The following CHRNB4 variants were observed in gnomAD, a reference collection of about 807,000 sequenced individuals.
CHRNB4 encodes the protein cholinergic receptor nicotinic beta 4 subunit, also known as neuronal acetylcholine receptor subunit beta-4.
CHRNB4 carries 23 observed loss-of-function variants against 40.4 expected under a neutral mutation model. The observed-to-expected ratio is 0.57, with a 90% CI of 0.41 to 0.81. The LOEUF (loss-of-function observed/expected upper bound fraction) is 0.81. Ranked by LOEUF, CHRNB4 falls within the 30% of genes least tolerant of loss-of-function variation. The pLI is 0.00. For synonymous variants in CHRNB4, 285 were observed against 274.4 expected, an observed-to-expected ratio of 1.04 and a Z score of -0.38; for missense variants, 568 against 670.6, an observed-to-expected ratio of 0.85 and a Z score of 1.69.
Position 78,629,131 on chromosome 15 carries a change from G to C in CHRNB4, c.1174C>G (p.Pro392Ala). ...FYGNSMYFVN[P>A]ASAASKSPAG... ...GGAGACTTGGAAGCTGCAGAGGCGG[G>C]GTTCACAAAGTACATGGAGTTCCCA... The change falls in exon 5 of 6, where the codon CCC (proline) becomes GCC (alanine). Residue 392 changes from proline to alanine, a missense_variant. Pro to Ala is a conservative substitution (Grantham distance 27). Coordinates refer to ENST00000261751, the MANE Select transcript of CHRNB4 (RefSeq NM_000750.5). The surrounding 1 kb of genome is among the most constrained non-coding windows in gnomAD (Gnocchi z 6.8). The C allele has an allele frequency of 6.2e-7, 1 of 1,614,172 alleles. No homozygotes were observed. Among genetic ancestry groups the C allele is most frequent in the Non-Finnish European group, 8.5e-7 (1 of 1,180,008 alleles).
At chr15:78,660,382 C>T (rs1424990265) in intron 1 of CHRNB4, 4 of 152,292 alleles carry the variant, frequency 2.6e-5, no homozygotes, top group Non-Finnish European at 5.9e-5. Flanking sequence ...TAAATTGTTT[C>T]CTGGGAGAAG....
At chr15:78,649,025 G>A (rs553562408) in intron 7 of CHRNB4, among the ~76,000 whole-genome samples, 17 of 152,220 alleles carry the variant, frequency 1.1e-4, no homozygotes, top group African/African-American at 4.1e-4. Flanking sequence ...CAGTCCTCCT[G>A]CCTTGGCTTC....
intron 5 of CHRNB4, among the ~76,000 whole-genome samples, chr15:78,628,653 T>C (rs1194494817): frequency 2.0e-5 from 3 of 152,128 alleles, no homozygotes; most frequent in African/African-American, 7.2e-5. Context: ...CTCCTTTCCC[T>C]GTCTCACTTT....
intron 1 of CHRNB4, among the ~76,000 whole-genome samples, chr15:78,660,331 T>C (rs1041854624): frequency 2.0e-5 from 3 of 152,208 alleles, no homozygotes; most frequent in Non-Finnish European, 4.4e-5. Context: ...TGCAGTACAC[T>C]GCAGCTTCAA....
chr15:78,637,986 C>A (rs148100159), intron 1 of CHRNB4, among the ~76,000 whole-genome samples: 1,608 of 152,310 alleles, frequency 0.011, 26 homozygotes, highest in African/African-American at 0.036. Flanking sequence ...CCTCCCACAG[C>A]CCTTCTTTAG....
intron 5 of CHRNB4, among the ~76,000 whole-genome samples, chr15:78,654,200 T>C (rs1330611431): frequency 6.6e-6 from 1 of 152,174 alleles, no homozygotes; most frequent in African/African-American, 2.4e-5. Context: ...TACCAGGGTT[T>C]TGGCACGTTG....
At chr15:78,628,918 C>A in intron 5 of CHRNB4, 49 bp downstream of exon 5, 1 of 1,566,376 alleles carries the variant, frequency 6.4e-7, no homozygotes, top group South Asian at 1.2e-5. Flanking sequence ...GTGCTACTAT[C>A]TGAGCCCTTT....
At chr15:78,626,929 G>C (rs1002921685) in intron 5 of CHRNB4, 1 of 152,336 alleles carries the variant, frequency 6.6e-6, no homozygotes, top group Non-Finnish European at 1.5e-5. Context: ...GAGGTCTTCA[G>C]AAGAGTTCAG....
intron 1 of CHRNB4, among the ~76,000 whole-genome samples, chr15:78,640,375 C>T (rs1391842592): frequency 2.6e-5 from 4 of 152,236 alleles, no homozygotes; most frequent in Non-Finnish European, 5.9e-5. Flanking sequence ...TCCTGAGTGG[C>T]AGGCCCAACT....
intron 2 of CHRNB4, chr15:78,634,740 C>G (rs768547481): frequency 2.2e-6 from 1 of 456,024 alleles, no homozygotes; most frequent in South Asian, 1.5e-5. Flanking sequence ...AGTTCTAACC[C>G]TGTGGATGGG....
At chr15:78,649,147 C>T (rs946061773) in intron 7 of CHRNB4, among the ~76,000 whole-genome samples, 6 of 151,992 alleles carry the variant, frequency 3.9e-5, no homozygotes, top group African/African-American at 1.5e-4. Flanking sequence ...GAGCACTCGC[C>T]AACTGCTGCT....
chr15:78,632,254 T>TG (rs1567120192), intron 2 of CHRNB4, among the ~76,000 whole-genome samples: 1 of 62,648 alleles, frequency 1.6e-5, no homozygotes, highest in Non-Finnish European at 3.8e-5. Context: ...TCTCTCTCTC[T>TG]CTTTCTTTCT....
rs537589122 is a variant in CHRNB4 at position 78,648,409 on chromosome 15, G to A, written c.46+970C>T. Among the ~76,000 whole-genome samples the A allele has an allele frequency of 3.8e-4, 50 of 131,934 alleles. No individual in the cohort carries two copies. In the South Asian group the frequency reaches 0.011, roughly 30 times the overall value. 86.6% of individuals were successfully genotyped at this position (131,934 alleles called of 152,430 possible). A position where few individuals can be genotyped will look rare whatever the true frequency, so the allele number is the denominator to read the frequency against. On this transcript the variant is annotated intron_variant and NMD_transcript_variant, in intron 7 of 11. Transcript: ENST00000559849. ...CTTGCCTCAAAAAAAAAAAAAAAAA[G>A]GAAAAAGAAAAGGCATGGGGGTGAA...
At chr15:78,628,880 T>A in intron 5 of CHRNB4, 87 bp downstream of exon 5, 1 of 1,489,128 alleles carries the variant, frequency 6.7e-7, no homozygotes, top group South Asian at 1.4e-5. Context: ...TTGTCTCCTA[T>A]GAATTAACTG....
At chr15:78,635,377 G>A in intron 2 of CHRNB4, 62 bp downstream of exon 2, 1 of 1,584,260 alleles carries the variant, frequency 6.3e-7, no homozygotes, top group South Asian at 1.1e-5. Context: ...ATGATCGCCT[G>A]GGGCTTGGGC....
At chr15:78,649,450 T>C in intron 6 of CHRNB4, 1 of 454,124 alleles carries the variant, frequency 2.2e-6, no homozygotes, top group Non-Finnish European at 4.4e-6. Context: ...CTAAGAAGAA[T>C]GGTTTTTATA....
upstream of CHRNB4, among the ~76,000 whole-genome samples, chr15:78,641,464 G>T (rs368032345): frequency 3.3e-3 from 510 of 152,350 alleles, 3 homozygotes; most frequent in African/African-American, 0.011. Context: ...GCCCTCGAGG[G>T]CGGCGGACGC....
At chr15:78,650,006 TG>T (rs1383499965) in intron 6 of CHRNB4, among the ~76,000 whole-genome samples, 29 of 129,368 alleles carry the variant, frequency 2.2e-4, no homozygotes, top group Non-Finnish European at 4.5e-4. Context: ...TTATCAATTT[TG>T]TTTTTTTTAA....
upstream of CHRNB4, chr15:78,641,232 A>C: frequency 8.7e-7 from 1 of 1,154,974 alleles, no homozygotes; most frequent in Non-Finnish European, 1.1e-6. Context: ...CTGGCCCCCG[A>C]GGTTTGCTGG....
Sources: gnomAD v4.1 joint callset for allele counts (sites outside exome capture counted in the v4.1 genomes callset) on GRCh38, gnomAD v4.1.1 for gene constraint, Gnocchi (gnomAD v3.1) non-coding constraint, MANE v1.5 for transcripts, NCBI Gene and HGNC (gene_info 2026-07-23, HGNC 2026-07-21) for gene names.